Variants in MTMR3 observed in about 807,000 individuals in gnomAD.
The protein encoded by MTMR3 is phosphatidylinositol-3,5-bisphosphate 3-phosphatase MTMR3.
In MTMR3, 32 loss-of-function variants were observed where a neutral mutation model predicts 132.4. The ratio of observed to expected loss-of-function variants is 0.24; its 90% CI spans 0.18 to 0.32. The LOEUF (loss-of-function observed/expected upper bound fraction) is 0.32, where lower values mean the gene tolerates loss of function less well. Among genes scored for constraint, MTMR3 ranks in the 10% least tolerant of loss-of-function variants. The pLI is 1.00. For missense variants in MTMR3, 1,216 were observed against 1,489.6 expected, an observed-to-expected ratio of 0.82 and a Z score of 3.02; for synonymous variants, 556 against 550.3, an observed-to-expected ratio of 1.01 and a Z score of -0.14.
At chr22:29,928,840 G>A (rs1306046362) in intron 1 of MTMR3, among the ~76,000 whole-genome samples, 2 of 152,222 alleles carry the variant, frequency 1.3e-5, no homozygotes, top group Middle Eastern at 3.4e-3. Context: ...ATGCCTCAGG[G>A]AATATTTGCG....
chr22:29,993,018 A>G (rs1452208653), intron 7 of MTMR3: 1 of 152,198 alleles, frequency 6.6e-6, no homozygotes, highest in African/African-American at 2.4e-5. Flanking sequence ...CGACAGAACT[A>G]GGACTTAAAA....
At chr22:29,914,170 G>C (rs2065266450) in intron 1 of MTMR3, among the ~76,000 whole-genome samples, 1 of 152,186 alleles carries the variant, frequency 6.6e-6, no homozygotes. Context: ...GGATTGTAGG[G>C]TAAGTGTGTT....
chr22:29,920,099 A>G (rs1318015973), intron 1 of MTMR3, among the ~76,000 whole-genome samples: 1 of 151,968 alleles, frequency 6.6e-6, no homozygotes, highest in African/African-American at 2.4e-5. Flanking sequence ...CTGTAGTCCC[A>G]GCTACTCGGG....
At chr22:29,983,500 A>G (rs1483264390) in intron 5 of MTMR3, 4 of 151,982 alleles carry the variant, frequency 2.6e-5, no homozygotes, top group Non-Finnish European at 5.9e-5. Flanking sequence ...GTTATTGTTA[A>G]CATTTAATGC....
At chr22:29,975,512 A>G (rs1044639775) in intron 3 of MTMR3, among the ~76,000 whole-genome samples, 2 of 152,238 alleles carry the variant, frequency 1.3e-5, no homozygotes, top group Admixed American at 6.5e-5. Context: ...ATACGTGGTT[A>G]GAAAAGTAGT....
At chr22:30,009,270 C>T (rs1009412073) in intron 12 of MTMR3, 141 bp downstream of exon 12, 5 of 630,764 alleles carry the variant, frequency 7.9e-6, no homozygotes, top group African/African-American at 7.3e-5. Context: ...TCTTCAGTTA[C>T]CAGACCAGTC....
chr22:29,957,783 A>C (rs1478681331), intron 2 of MTMR3, among the ~76,000 whole-genome samples: 1 of 152,114 alleles, frequency 6.6e-6, no homozygotes, highest in African/African-American at 2.4e-5. Context: ...GTTCCCCCTT[A>C]CCTTCTTTTG....
intron 1 of MTMR3, among the ~76,000 whole-genome samples, chr22:29,909,770 T>G (rs956985315): frequency 1.3e-5 from 2 of 152,226 alleles, no homozygotes; most frequent in African/African-American, 4.8e-5. Flanking sequence ...ACCATATATG[T>G]AATTCTTTAT....
intron 1 of MTMR3, among the ~76,000 whole-genome samples, chr22:29,909,009 A>G (rs1189119310): frequency 7.1e-6 from 1 of 140,568 alleles, no homozygotes; most frequent in Non-Finnish European, 1.5e-5. Context: ...ACAAATTCTC[A>G]CTCTGTTGCC....
intron 5 of MTMR3, 126 bp from the exon 6 acceptor site, chr22:29,988,354 A>C (rs999844103): frequency 2.6e-5 from 14 of 539,054 alleles, no homozygotes; most frequent in Non-Finnish European, 3.9e-5. Context: ...GATCCAGATA[A>C]GTTTGCAGTT....
intron 6 of MTMR3, chr22:29,989,631 G>A (rs925089639): frequency 6.6e-6 from 1 of 152,118 alleles, no homozygotes; most frequent in Non-Finnish European, 1.5e-5. Context: ...TGTTTGTCCA[G>A]TATTTCCTCA....
chr22:29,899,561 A>G (rs1008643030), intron 1 of MTMR3: 3 of 152,212 alleles, frequency 2.0e-5, no homozygotes, highest in Non-Finnish European at 4.4e-5. Flanking sequence ...GTTTTTGGAT[A>G]TTAAATAATA....
intron 1 of MTMR3, among the ~76,000 whole-genome samples, chr22:29,920,226 A>C (rs1890358337): frequency 6.8e-6 from 1 of 146,694 alleles, no homozygotes; most frequent in Non-Finnish European, 1.5e-5. Context: ...AAAAAAAAAC[A>C]AAAAACCCAA....
chr22:29,978,893 T>C, intron 4 of MTMR3, 43 bp from the exon 5 acceptor site: 2 of 1,426,982 alleles, frequency 1.4e-6, no homozygotes. Context: ...CTTTTTTTTT[T>C]TTAACTGCTT....
In MTMR3 at chr22:30,007,923, A is replaced by G. The variant is rs139159820; in HGVS notation, c.900A>G (p.Ser300=). ...VEFDSSLSNA[S]GAESLAIQPQ... is the part of the protein sequence containing the mutation. ...TAGATTCTTCTCTGTCAAATGCTTC[A>G]GGAGCAGAGAGTTTAGCCATCCAAC... The change falls in exon 11 of 20, where the codon TCA becomes TCG. Residue 300 remains serine, a synonymous_variant. Coordinates refer to ENST00000401950, the MANE Select transcript of MTMR3 (RefSeq NM_021090.4). 4 of 1,613,598 alleles carry G rather than the reference A, an allele frequency of 2.5e-6. No individual in the cohort carries two copies. Among genetic ancestry groups the G allele is most frequent in the Non-Finnish European group, 3.4e-6 (4 of 1,180,004 alleles).
intron 8 of MTMR3, chr22:30,001,117 C>T (rs2067162458): frequency 6.6e-6 from 1 of 152,150 alleles, no homozygotes; most frequent in Non-Finnish European, 1.5e-5. Context: ...TTTGGCCAGG[C>T]ATGGTGGCTC....
rs1460062218 is a variant in MTMR3 at position 29,945,650 on chromosome 22, A to G, written c.-137-11386A>G. ...AGTCTGGGATCCTGAGGCTGCAGTA[A>G]GCTGTGATCGTGCCACTGCATTCCA... On this transcript the variant is annotated intron_variant, in intron 1 of 19. Transcript: ENST00000401950. Among the ~76,000 whole-genome samples the G allele has an allele frequency of 2.0e-5, 3 of 151,816 alleles. No individual in the cohort carries two copies. The East Asian group carries it at 5.8e-4, about 29-fold the overall frequency.
chr22:29,971,474 A>C (rs1490460123), intron 3 of MTMR3, among the ~76,000 whole-genome samples: 2 of 152,160 alleles, frequency 1.3e-5, no homozygotes, highest in African/African-American at 4.8e-5. Flanking sequence ...ATTTTTTTAA[A>C]TTGACAAATT....
intron 2 of MTMR3, among the ~76,000 whole-genome samples, chr22:29,967,917 C>CTGTGTGTGTGTG (rs57853762): frequency 2.4e-4 from 35 of 148,452 alleles, no homozygotes; most frequent in African/African-American, 7.7e-4. Flanking sequence ...ATTATATATA[C>CTGTGTGTGTGTG]TGTGTGTGTG....
Sources: allele counts gnomAD v4.1 joint callset (sites outside exome capture counted in the v4.1 genomes callset), GRCh38; gene constraint gnomAD v4.1.1; transcripts MANE v1.5; gene names NCBI Gene and HGNC (gene_info 2026-07-23, HGNC 2026-07-21).